PNLIP: variants seen among roughly 807,000 people sequenced by gnomAD.
The protein encoded by PNLIP is pancreatic triacylglycerol lipase.
PNLIP carries 49 observed loss-of-function variants against 57.1 expected under a neutral mutation model. The ratio of observed to expected loss-of-function variants is 0.86; its 90% CI spans 0.68 to 1.09. The LOEUF (loss-of-function observed/expected upper bound fraction) is 1.09. Among genes scored for constraint, PNLIP ranks in the 50% least tolerant of loss-of-function variants. The pLI is 0.00. For missense variants in PNLIP, 503 were observed against 570.2 expected (o/e 0.88, Z 1.20); for synonymous variants, 209 against 200.4 (o/e 1.04, Z -0.36).
intron 4 of PNLIP, among the ~76,000 whole-genome samples, chr10:116,549,749 C>T (rs1268639840): frequency 2.0e-5 from 3 of 152,152 alleles, no homozygotes; most frequent in Non-Finnish European, 4.4e-5. Flanking sequence ...AAATGTGATT[C>T]TCAGTTCAAA....
In PNLIP at chr10:116,560,592, G is replaced by A. The variant is rs540966547; in HGVS notation, c.1169+68G>A. 423 of 700,734 alleles carry A rather than the reference G, an allele frequency of 6.0e-4. 1 individual carries two copies. The African/African-American group carries it at 6.2e-3, about 10-fold the overall frequency. 43.4% of individuals were successfully genotyped at this position (700,734 alleles called of 1,614,324 possible). On this transcript the variant is annotated intron_variant, in intron 11 of 12. Coordinates refer to ENST00000369221, the MANE Select transcript of PNLIP (RefSeq NM_000936.4). Reference sequence around the variant, plus strand: ...TTTTGAGTCGGAGTCTCGCTGTGTCGCCGGGGCTGGAGTCTTGCTCTGTCA... The same window carrying A: ...TTTTGAGTCGGAGTCTCGCTGTGTCACCGGGGCTGGAGTCTTGCTCTGTCA...
rs569786529 is a variant in PNLIP, at chr10:116,560,576, G to A, written c.1169+52G>A. On this transcript the variant is annotated intron_variant, in intron 11 of 12. Coordinates refer to ENST00000369221, the MANE Select transcript of PNLIP (RefSeq NM_000936.4). The stretch of plus-strand genomic sequence containing the variant: ...TTTTTTTTTTTTTTTTTTTTGAGTC[G>A]GAGTCTCGCTGTGTCGCCGGGGCTG... 3.6e-4 allele frequency: 287 copies of A among 793,922 alleles called. 4 individuals carry two copies. The South Asian group carries it at 4.6e-3, about 13-fold the overall frequency. 49.2% of individuals were successfully genotyped at this position (793,922 alleles called of 1,614,324 possible). A position where few individuals can be genotyped will look rare whatever the true frequency, so the allele number is the denominator to read the frequency against.
chr10:116,566,601 A>G (rs968261440), intron 12 of PNLIP, among the ~76,000 whole-genome samples: 29 of 152,208 alleles, frequency 1.9e-4, no homozygotes, highest in Admixed American at 1.0e-3. Flanking sequence ...AAACAAAAAT[A>G]TATATCCTAT....
intron 6 of PNLIP, among the ~76,000 whole-genome samples, chr10:116,554,302 A>G (rs998165315): frequency 3.3e-5 from 5 of 152,248 alleles, no homozygotes; most frequent in African/African-American, 1.2e-4. Flanking sequence ...AATATAATTA[A>G]ACCTAAGGAG....
At chr10:116,557,204 A>T (rs528459853) in intron 9 of PNLIP, among the ~76,000 whole-genome samples, 45 of 152,166 alleles carry the variant, frequency 3.0e-4, no homozygotes, top group Admixed American at 9.8e-4. Flanking sequence ...ACAATAAGTA[A>T]TGGGGGAAAA....
intron 2 of PNLIP, 130 bp downstream of exon 2, chr10:116,546,268 G>T: frequency 7.9e-6 from 6 of 756,096 alleles, no homozygotes; most frequent in Non-Finnish European, 6.9e-6. Context: ...CACAGGAGAC[G>T]CATAAGAGCA....
chr10:116,560,006 G>A lies in PNLIP; in HGVS notation c.1061-410G>A, dbSNP rs563184054. ...TAGATATTTAGACAAAAAGATAGCAGTACCCTAAAATTTGGTGATCTATGA... is the reference window on the plus strand; with the variant it reads ...TAGATATTTAGACAAAAAGATAGCAATACCCTAAAATTTGGTGATCTATGA... On this transcript the variant is annotated intron_variant, in intron 10 of 12. Transcript: ENST00000369221. 6.2e-4 allele frequency among the ~76,000 whole-genome samples: 94 copies of A among 152,106 alleles called. No individual in the cohort carries two copies. The South Asian group carries it at 0.017, about 27-fold the overall frequency.
chr10:116,546,243 C>A, intron 2 of PNLIP, 105 bp downstream of exon 2: 1 of 961,572 alleles, frequency 1.0e-6, no homozygotes, highest in Non-Finnish European at 1.7e-6. Context: ...TGAAGATTTA[C>A]TTCAAGGAGT....
At position 116,559,183 on chromosome 10, in the gene PNLIP, C is replaced by T. The variant is rs1482285141; in HGVS notation, c.960C>T (p.Gly320=). The T allele has an allele frequency of 6.2e-7, 1 of 1,612,796 alleles. No individual in the cohort carries two copies. Among genetic ancestry groups the T allele is most frequent in the Non-Finnish European group, 8.5e-7 (1 of 1,179,602 alleles). Residue 320 remains glycine, a synonymous_variant, in exon 10 of 13, where the codon GGC becomes GGT. Transcript: ENST00000369221. ...AGTGTTTCCCTTGTCCAAGTGGAGGCTGCCCACAGATGGGTCACTATGCTG... is the reference window on the plus strand; with the variant it reads ...AGTGTTTCCCTTGTCCAAGTGGAGGTTGCCCACAGATGGGTCACTATGCTG... ...ANKCFPCPSG[G]CPQMGHYADR... is the part of the protein sequence containing the mutation.
intron 10 of PNLIP, 44 bp from the exon 11 acceptor site, chr10:116,560,372 C>A: frequency 1.0e-6 from 1 of 999,880 alleles, no homozygotes; most frequent in Non-Finnish European, 1.5e-6. Context: ...TTTTTAGTGT[C>A]TTTTATCTCC....
intron 12 of PNLIP, among the ~76,000 whole-genome samples, chr10:116,563,530 TA>T (rs1368647968): frequency 6.6e-6 from 1 of 152,184 alleles, no homozygotes; most frequent in Non-Finnish European, 1.5e-5. Flanking sequence ...TGTTGTCTTT[TA>T]TCCCTCGCCC....
intron 5 of PNLIP, among the ~76,000 whole-genome samples, chr10:116,553,038 C>T (rs1249148595): frequency 6.6e-6 from 1 of 152,202 alleles, no homozygotes; most frequent in African/African-American, 2.4e-5. Flanking sequence ...CCATGACTTG[C>T]CCAGAGCAAC....
rs201860347 is a variant in PNLIP at position 116,548,504 on chromosome 10, A to G, written c.324+22A>G. 6 of 1,609,790 alleles carry G rather than the reference A, an allele frequency of 3.7e-6. No individual in the cohort carries two copies. In the East Asian group the frequency reaches 1.3e-4, roughly 36 times the overall value. Reference sequence around the variant, plus strand: ...CAAGGTGAGATGTGGTCATCTCTCAAGGAAAGATCGTTTCCAAAGTGGTAA... The same window carrying G: ...CAAGGTGAGATGTGGTCATCTCTCAGGGAAAGATCGTTTCCAAAGTGGTAA... On this transcript the variant is annotated intron_variant, in intron 4 of 12. Transcript: ENST00000369221.
intron 3 of PNLIP, among the ~76,000 whole-genome samples, chr10:116,548,150 T>C (rs1398627666): frequency 6.6e-6 from 1 of 152,048 alleles, no homozygotes; most frequent in African/African-American, 2.4e-5. Flanking sequence ...ACAGACATAT[T>C]ATCCCAAGTT....
Position 116,567,814 on chromosome 10 carries a change from T to G in PNLIP, c.*16T>G, listed in dbSNP as rs1847386952. On this transcript the variant is annotated 3_prime_UTR_variant, in exon 13 of 13. Coordinates refer to ENST00000369221, the MANE Select transcript of PNLIP (RefSeq NM_000936.4). ...ACCGTGTTAGGAGACTACTGTTATT[T>G]GACCAATGAATTGACTTCTAATAAA... The G allele has an allele frequency of 6.3e-7, 1 of 1,595,564 alleles. No individual in the cohort carries two copies. The highest frequency in any genetic ancestry group is 1.3e-5 in the African/African-American group (1 of 74,572).
In PNLIP at chr10:116,548,365, T is replaced by A; in HGVS notation, c.207T>A (p.Val69=). Residue 69 remains valine, a synonymous_variant, in exon 4 of 13, where the codon GTT becomes GTA. Coordinates refer to ENST00000369221, the MANE Select transcript of PNLIP (RefSeq NM_000936.4). ...TNENPNNFQE[V]AADSSSISGS... ...ACACTTTTCTGTCTAAACAGGAAGT[T>A]GCCGCAGATTCATCAAGCATCAGTG... 4 of 1,614,012 alleles carry A rather than the reference T, an allele frequency of 2.5e-6. No homozygotes were observed. Among genetic ancestry groups the A allele is most frequent in the Non-Finnish European group, 3.4e-6 (4 of 1,179,938 alleles).
chr10:116,559,167 C>T lies in PNLIP; in HGVS notation c.944C>T (p.Pro315Leu). 1 of 1,611,966 alleles carries T rather than the reference C, an allele frequency of 6.2e-7. No homozygotes were observed. The highest frequency in any genetic ancestry group is 1.3e-5 in the African/African-American group (1 of 74,908). ...TGTTTTCACTAGAACAAGTGTTTCC[C>T]TTGTCCAAGTGGAGGCTGCCCACAG... ...YNVFTANKCFPCPSGGCPQMG... is the reference protein window; with the variant it reads ...YNVFTANKCFLCPSGGCPQMG... Residue 315 changes from proline (P) to leucine (L), a missense_variant, in exon 10 of 13, where the codon CCT becomes CTT. Physicochemically the swap from Pro to Leu is moderately conservative, Grantham distance 98. Coordinates refer to ENST00000369221, the MANE Select transcript of PNLIP (RefSeq NM_000936.4).
chr10:116,566,558 T>C (rs536386725), intron 12 of PNLIP, among the ~76,000 whole-genome samples: 3 of 152,310 alleles, frequency 2.0e-5, no homozygotes, highest in African/African-American at 7.2e-5. Context: ...GTACAGTTTA[T>C]TCCAGGTAAA....
chr10:116,562,273 A>G (rs1399180337), intron 12 of PNLIP, among the ~76,000 whole-genome samples: 1 of 152,218 alleles, frequency 6.6e-6, no homozygotes, highest in Non-Finnish European at 1.5e-5. Context: ...CCAAATGAGA[A>G]GACTTTGCTT....
Sources: allele counts gnomAD v4.1 joint callset (sites outside exome capture counted in the v4.1 genomes callset), GRCh38; gene constraint gnomAD v4.1.1; transcripts MANE v1.5; gene names NCBI Gene and HGNC (gene_info 2026-07-23, HGNC 2026-07-21).